The following ERC1 variants were observed in gnomAD, a reference collection of about 807,000 sequenced individuals.
ERC1 encodes the protein ELKS/RAB6-interacting/CAST family member 1, also known as RAB6 interacting protein 2.
Under a neutral mutation model 132.0 loss-of-function variants are expected in ERC1, and 56 were observed. That is an observed-to-expected ratio of 0.42 (90% CI 0.34 to 0.53). The LOEUF (loss-of-function observed/expected upper bound fraction) is 0.53, where lower values mean the gene tolerates loss of function less well. ERC1 is among the 20% of genes least tolerant of loss of function. The pLI is 0.03. For synonymous variants in ERC1, 478 were observed against 476.1 expected (o/e 1.00, Z -0.05); for missense variants, 1,202 against 1,349.9 (o/e 0.89, Z 1.72).
intron 14 of ERC1, among the ~76,000 whole-genome samples, chr12:1,270,858 G>A (rs1169696278): frequency 2.0e-5 from 3 of 151,966 alleles, no homozygotes; most frequent in African/African-American, 7.2e-5. Flanking sequence ...AATTACATTA[G>A]TATAAAATTC....
intron 18 of ERC1, among the ~76,000 whole-genome samples, chr12:1,449,162 T>C (rs1446041643): frequency 6.6e-6 from 1 of 152,152 alleles, no homozygotes; most frequent in African/African-American, 2.4e-5. Flanking sequence ...TGTACCCTCA[T>C]TGTATCTAGG....
intron 16 of ERC1, among the ~76,000 whole-genome samples, chr12:1,394,015 C>CAAAA (rs1216337061): frequency 1.1e-4 from 3 of 26,916 alleles, no homozygotes; most frequent in African/African-American, 5.3e-4. Context: ...GACTCCGTCT[C>CAAAA]AAAAAAAAAA....
At chr12:1,474,677 C>T (rs2093935433) in intron 18 of ERC1, among the ~76,000 whole-genome samples, 1 of 152,196 alleles carries the variant, frequency 6.6e-6, no homozygotes, top group South Asian at 2.1e-4. Flanking sequence ...AGCCCCCTCG[C>T]ATTCCTTATT....
chr12:1,394,444 G>A (rs143180464), intron 16 of ERC1, among the ~76,000 whole-genome samples: 51 of 152,142 alleles, frequency 3.4e-4, no homozygotes, highest in African/African-American at 7.9e-4. Context: ...TCTTGTTTTC[G>A]TGGCCTCTGT....
At chr12:1,059,429 G>A (rs926862675) in intron 2 of ERC1, among the ~76,000 whole-genome samples, 6 of 152,160 alleles carry the variant, frequency 3.9e-5, no homozygotes, top group Non-Finnish European at 7.4e-5. Flanking sequence ...TAGAGGAAAT[G>A]CATTCAGCTT....
At chr12:1,054,578 C>T (rs966850290) in intron 2 of ERC1, among the ~76,000 whole-genome samples, 18 of 151,960 alleles carry the variant, frequency 1.2e-4, no homozygotes, top group African/African-American at 4.1e-4. Context: ...TTTCTCCTGG[C>T]ATGTCACTGT....
Position 1,400,913 on chromosome 12 carries a change from TG to T in ERC1, c.2926-7235del, listed in dbSNP as rs768073713. On this transcript the variant is annotated intron_variant, in intron 16 of 18. Coordinates refer to ENST00000360905, the MANE Select transcript of ERC1 (RefSeq NM_178040.4). ...CATTCAATATTGTTTTGGCTATTTTTGTATTTTTTTTTTTTTTTTTTTTTTT... is the reference window on the plus strand; with the variant it reads ...CATTCAATATTGTTTTGGCTATTTTTTATTTTTTTTTTTTTTTTTTTTTTT... Among the ~76,000 whole-genome samples the T allele has an allele frequency of 2.6e-3, 198 of 74,962 alleles. 3 individuals are homozygous for T. Among genetic ancestry groups the T allele is most frequent in the Non-Finnish European group, 3.5e-3 (146 of 42,252 alleles). The allele number at this position is 74,962 out of a possible 152,430, so 49.2% of individuals were successfully genotyped here.
chr12:1,248,743 CTG>C (rs1272749780), intron 13 of ERC1, among the ~76,000 whole-genome samples: 1 of 152,160 alleles, frequency 6.6e-6, no homozygotes, highest in African/African-American at 2.4e-5. Flanking sequence ...TGTTTGCTCA[CTG>C]TTTCATACCT....
intron 18 of ERC1, among the ~76,000 whole-genome samples, chr12:1,446,645 GCAAGT>G (rs1315030215): frequency 5.9e-5 from 9 of 152,118 alleles, no homozygotes; most frequent in Non-Finnish European, 1.0e-4. Context: ...GTGAAAACCC[GCAAGT>G]CAAGAAATGC....
intron 1 of ERC1, among the ~76,000 whole-genome samples, chr12:1,012,173 C>T (rs1456862862): frequency 6.6e-6 from 1 of 152,108 alleles, no homozygotes; most frequent in Admixed American, 6.6e-5. Context: ...ATTACTGGAT[C>T]AAAAGATATG....
intron 8 of ERC1, among the ~76,000 whole-genome samples, chr12:1,160,572 G>T (rs921798370): frequency 1.9e-4 from 29 of 151,982 alleles, no homozygotes; most frequent in African/African-American, 7.0e-4. Flanking sequence ...TTAGCTGGGC[G>T]TGGTGGTGCC....
intron 14 of ERC1, among the ~76,000 whole-genome samples, chr12:1,277,914 G>A (rs914065844): frequency 2.0e-5 from 3 of 152,172 alleles, no homozygotes; most frequent in African/African-American, 7.2e-5. Flanking sequence ...CTTTGCCGTT[G>A]TGTAATCAGT....
At chr12:1,186,758 A>G (rs1229303763) in intron 11 of ERC1, among the ~76,000 whole-genome samples, 3 of 152,246 alleles carry the variant, frequency 2.0e-5, no homozygotes, top group Non-Finnish European at 4.4e-5. Flanking sequence ...ATACCATGAT[A>G]AGTGACTATG....
intron 13 of ERC1, among the ~76,000 whole-genome samples, chr12:1,254,822 A>T (rs1374271463): frequency 1.3e-5 from 2 of 152,220 alleles, no homozygotes; most frequent in Admixed American, 6.5e-5. Flanking sequence ...TAATAATCGT[A>T]CGTATGTATG....
chr12:1,148,291 C>T (rs1018316292), intron 8 of ERC1, among the ~76,000 whole-genome samples: 56 of 152,046 alleles, frequency 3.7e-4, no homozygotes, highest in Non-Finnish European at 1.5e-4. Context: ...ATATCTGAGT[C>T]GCTAGGGAGG....
intron 7 of ERC1, among the ~76,000 whole-genome samples, chr12:1,125,759 G>A (rs1948092697): frequency 6.6e-6 from 1 of 152,226 alleles, no homozygotes; most frequent in South Asian, 2.1e-4. Flanking sequence ...AGGTTACAGT[G>A]AGCTGAGATC....
In ERC1 at chr12:991,295, A is replaced by G. The variant is rs10849611; in HGVS notation, c.-184A>G. 0.96 allele frequency: 159,931 copies of G among 165,926 alleles called. 77,322 individuals carry two copies. The highest frequency in any genetic ancestry group is 1 in the South Asian group (5,967 of 5,970). The allele number at this position is 165,926 out of a possible 1,614,324, so 10.3% of individuals were successfully genotyped here. A position where few individuals can be genotyped will look rare whatever the true frequency, so the allele number is the denominator to read the frequency against. Reference sequence around the variant, plus strand: ...GCGGCGGCGGTGCCTGGGCGGCAGCAGCAGCAGTAGCGGCAGCCCTGAGGA... The same window carrying G: ...GCGGCGGCGGTGCCTGGGCGGCAGCGGCAGCAGTAGCGGCAGCCCTGAGGA... On this transcript the variant is annotated 5_prime_UTR_variant, in exon 1 of 19. Transcript: ENST00000360905.
At chr12:1,126,323 A>C (rs568641722) in intron 7 of ERC1, among the ~76,000 whole-genome samples, 1 of 152,210 alleles carries the variant, frequency 6.6e-6, no homozygotes. Flanking sequence ...AGGAGCAGAT[A>C]TGAAAAGAAC....
At chr12:1,342,556 G>A (rs886481182) in intron 15 of ERC1, among the ~76,000 whole-genome samples, 2 of 152,036 alleles carry the variant, frequency 1.3e-5, no homozygotes, top group African/African-American at 4.8e-5. Context: ...GAATTTAAGT[G>A]TAGAACCTAG....
Sources: allele counts gnomAD v4.1 joint callset (sites outside exome capture counted in the v4.1 genomes callset), GRCh38; gene constraint gnomAD v4.1.1; transcripts MANE v1.5; gene names NCBI Gene and HGNC (gene_info 2026-07-23, HGNC 2026-07-21).